CECR2: variants seen among roughly 807,000 people sequenced by gnomAD.
The protein encoded by CECR2 is CECR2 histone acetyl-lysine reader, also known as chromatin remodeling regulator CECR2.
In CECR2, 30 loss-of-function variants were observed where a neutral mutation model predicts 154.5. The ratio of observed to expected loss-of-function variants is 0.19; its 90% CI spans 0.15 to 0.26. The LOEUF (loss-of-function observed/expected upper bound fraction) is 0.26. CECR2 is among the 10% of genes least tolerant of loss of function. The pLI is 1.00. For synonymous variants in CECR2, 725 were observed against 683.7 expected, an observed-to-expected ratio of 1.06 and a Z score of -0.94; for missense variants, 1,743 against 1,829.3, an observed-to-expected ratio of 0.95 and a Z score of 0.86.
intron 1 of CECR2, among the ~76,000 whole-genome samples, chr22:17,372,747 A>G (rs571315225): frequency 6.6e-6 from 1 of 152,286 alleles, no homozygotes; most frequent in East Asian, 1.9e-4. Context: ...GAAGGGCCCT[A>G]CAGTCTTAAT....
At position 17,373,174 on chromosome 22, in the gene CECR2, C is replaced by T. The variant is rs958780633; in HGVS notation, c.126+3265C>T. 3.9e-5 allele frequency among the ~76,000 whole-genome samples: 6 copies of T among 152,200 alleles called. No individual in the cohort carries two copies. The East Asian group carries it at 5.8e-4, about 15-fold the overall frequency. ...ACTTCCCAGGTTCAGGTGATTCTCC[C>T]GCCTCAGCCTCCGGAGTAGCTGGGA... On this transcript the variant is annotated intron_variant, in intron 1 of 18. Coordinates refer to ENST00000262608, the MANE Select transcript of CECR2 (RefSeq NM_001290047.2).
chr22:17,411,651 C>T (rs1167403749), intron 1 of CECR2, among the ~76,000 whole-genome samples: 1 of 152,128 alleles, frequency 6.6e-6, no homozygotes, highest in Non-Finnish European at 1.5e-5. Context: ...CACCTTGGTC[C>T]TTGTTTTTGT....
intron 3 of CECR2, among the ~76,000 whole-genome samples, chr22:17,498,204 C>CA (rs1388835983): frequency 6.6e-6 from 1 of 152,156 alleles, no homozygotes; most frequent in East Asian, 1.9e-4. Context: ...TCCTGGCTAA[C>CA]ACGGTGAAAT....
chr22:17,535,454 C>G lies in CECR2; in HGVS notation c.1109-1649C>G, dbSNP rs2056424073. On this transcript the variant is annotated intron_variant, in intron 9 of 18. Coordinates refer to ENST00000262608, the MANE Select transcript of CECR2 (RefSeq NM_001290047.2). ...GTTCACATCTTAGAGAATCCTTACA[C>G]ACATGCTTGAGAAGACATGTTTTAA... Among the ~76,000 whole-genome samples the G allele has an allele frequency of 2.6e-5, 4 of 152,258 alleles. No individual in the cohort carries two copies. The South Asian group carries it at 8.3e-4, about 32-fold the overall frequency.
chr22:17,482,170 A>G (rs2055336741), intron 2 of CECR2, among the ~76,000 whole-genome samples: 2 of 147,800 alleles, frequency 1.4e-5, no homozygotes, highest in Non-Finnish European at 3.0e-5. Flanking sequence ...CACGCCTGCA[A>G]TCCCAGCACT....
chr22:17,527,174 G>A (rs752777731), intron 9 of CECR2, among the ~76,000 whole-genome samples: 7 of 152,142 alleles, frequency 4.6e-5, no homozygotes, highest in Admixed American at 3.9e-4. Flanking sequence ...AAATGCAGAC[G>A]AGGCCAGGCA....
At chr22:17,386,309 T>C (rs5747087) in intron 1 of CECR2, among the ~76,000 whole-genome samples, 47,680 of 151,902 alleles carry the variant, frequency 0.31, 8,134 homozygotes, top group Non-Finnish European at 0.38. Flanking sequence ...GGAGAGAGGA[T>C]AAGACCTGTC....
rs768298929 is a variant in CECR2, at chr22:17,539,036, G to A, written c.1412G>A (p.Gly471Asp). Residue 471 changes from glycine to aspartate, a missense_variant, in exon 13 of 19, where the codon GGT (glycine) becomes GAT (aspartate). Physicochemically the swap from Gly to Asp is moderately conservative, Grantham distance 94 (BLOSUM62 -1). This residue lies in a region of CECR2 where 103 missense variants were observed against 166.8 expected (regional missense o/e 0.62). Transcript: ENST00000262608. The stretch of plus-strand genomic sequence containing the variant: ...AGCATGGAGAAGAAACTGAATGGAG[G>A]TTTATACTGTACCAAGGAGGAATTT... ...ISSMEKKLNG[G>D]LYCTKEEFVN... is the part of the protein sequence containing the mutation. 2 of 1,613,710 alleles carry A rather than the reference G, an allele frequency of 1.2e-6. No individual in the cohort carries two copies. Among genetic ancestry groups the A allele is most frequent in the Non-Finnish European group, 1.7e-6 (2 of 1,179,782 alleles).
At chr22:17,399,265 T>C (rs1191844090) in intron 1 of CECR2, among the ~76,000 whole-genome samples, 1 of 152,190 alleles carries the variant, frequency 6.6e-6, no homozygotes, top group African/African-American at 2.4e-5. Context: ...TTTTTCTTTC[T>C]GTAGACCTCA....
intron 1 of CECR2, among the ~76,000 whole-genome samples, chr22:17,437,729 T>TA (rs66626414): frequency 0.08 from 12,163 of 152,030 alleles, 1,032 homozygotes; most frequent in African/African-American, 0.22. Flanking sequence ...GTATAGGGAT[T>TA]AAAAAAAATT....
intron 9 of CECR2, among the ~76,000 whole-genome samples, chr22:17,535,396 C>T (rs184181536): frequency 1.4e-3 from 220 of 152,162 alleles, no homozygotes; most frequent in African/African-American, 5.0e-3. Context: ...TACATATATA[C>T]TTTTTACTCC....
intron 1 of CECR2, among the ~76,000 whole-genome samples, chr22:17,382,844 G>A (rs1234738059): frequency 6.6e-6 from 1 of 152,148 alleles, no homozygotes; most frequent in Non-Finnish European, 1.5e-5. Flanking sequence ...GGCGGAGGTT[G>A]CAAGTCAAGT....
chr22:17,443,036 C>G (rs538559460), intron 1 of CECR2, among the ~76,000 whole-genome samples: 1 of 152,306 alleles, frequency 6.6e-6, no homozygotes, highest in African/African-American at 2.4e-5. Context: ...TTTCATCAGG[C>G]TCCATTTACT....
At chr22:17,503,052 T>C (rs764452149) in intron 5 of CECR2, 30 bp from the exon 6 acceptor site, 2 of 1,605,644 alleles carry the variant, frequency 1.2e-6, no homozygotes, top group East Asian at 2.2e-5. Flanking sequence ...GTCTTTGTTT[T>C]AATTGGCACC....
chr22:17,403,096 C>T (rs1001828403), intron 1 of CECR2, among the ~76,000 whole-genome samples: 4 of 152,216 alleles, frequency 2.6e-5, no homozygotes, highest in East Asian at 3.8e-4. Context: ...CTGCATTCCA[C>T]CTGACATCGC....
intron 16 of CECR2, among the ~76,000 whole-genome samples, chr22:17,546,766 C>T (rs1319035746): frequency 1.3e-5 from 2 of 151,866 alleles, no homozygotes; most frequent in Non-Finnish European, 2.9e-5. Context: ...TGGCTGGGCG[C>T]GGTGGCTCAC....
Position 17,555,345 on chromosome 22 carries a change from C to T in CECR2, c.*2505C>T, listed in dbSNP as rs2056760981. The stretch of plus-strand genomic sequence containing the variant: ...TGTATTATAACACTGTGAACAAGAA[C>T]ATCAGCAGCAGCAGAATTGTCAGCC... On this transcript the variant is annotated 3_prime_UTR_variant, in exon 19 of 19. Transcript: ENST00000262608. 2 of 152,266 alleles carry T rather than the reference C, an allele frequency of 1.3e-5. No homozygotes were observed. The highest frequency in any genetic ancestry group is 4.8e-5 in the African/African-American group (2 of 41,462). The allele number at this position is 152,266 out of a possible 1,614,324, so 9.4% of individuals were successfully genotyped here. A position where few individuals can be genotyped will look rare whatever the true frequency, so the allele number is the denominator to read the frequency against.
At chr22:17,381,484 A>C (rs1047866517) in intron 1 of CECR2, among the ~76,000 whole-genome samples, 4 of 152,218 alleles carry the variant, frequency 2.6e-5, no homozygotes, top group African/African-American at 9.7e-5. Context: ...GCTTTCAGCA[A>C]TGGAACCCAT....
intron 2 of CECR2, among the ~76,000 whole-genome samples, chr22:17,480,779 C>A (rs2055296316): frequency 1.3e-5 from 2 of 152,138 alleles, no homozygotes; most frequent in African/African-American, 4.8e-5. Flanking sequence ...GTGGCTCATG[C>A]CTATAATCTC....
Sources: gnomAD v4.1 joint callset for allele counts (sites outside exome capture counted in the v4.1 genomes callset) on GRCh38, gnomAD v4.1.1 for gene constraint, gnomAD v4.1.1 regional missense constraint, MANE v1.5 for transcripts, NCBI Gene and HGNC (gene_info 2026-07-23, HGNC 2026-07-21) for gene names.